UTP20: variants seen among roughly 807,000 people sequenced by gnomAD.
UTP20 encodes small subunit processome component 20 homolog.
A neutral mutation model predicts 329.5 loss-of-function variants in UTP20; 164 were observed. The ratio of observed to expected loss-of-function variants is 0.50; its 90% CI spans 0.44 to 0.57. UTP20 has a LOEUF of 0.57. UTP20 is among the 20% of genes least tolerant of loss of function. The pLI is 0.00. For missense variants in UTP20, 3,055 were observed against 3,284.2 expected (o/e 0.93, Z 1.71); for synonymous variants, 1,151 against 1,159.3 (o/e 0.99, Z 0.14).
intron 5 of UTP20, among the ~76,000 whole-genome samples, chr12:101,286,985 G>T (rs947566153): frequency 1.3e-5 from 2 of 152,186 alleles, no homozygotes; most frequent in African/African-American, 4.8e-5. Context: ...CTCAGTATTT[G>T]TGAGTAAATG....
chr12:101,336,834 G>A (rs144477653), intron 29 of UTP20, among the ~76,000 whole-genome samples: 124 of 152,354 alleles, frequency 8.1e-4, no homozygotes, highest in African/African-American at 2.6e-3. Flanking sequence ...AGCCATTCAC[G>A]TTAGCATGTA....
intron 46 of UTP20, 85 bp from the exon 47 acceptor site, chr12:101,366,473 T>C (rs1870097367): frequency 4.6e-6 from 7 of 1,505,884 alleles, no homozygotes; most frequent in Non-Finnish European, 5.4e-6. Context: ...TGCTGGGCTC[T>C]CGTCACTTTA....
rs750109610 is a variant in UTP20, at chr12:101,371,108, G to A, written c.6738G>A (p.Arg2246=). The change falls in exon 51 of 62, where the codon CGG becomes CGA. Residue 2246 remains arginine, a synonymous_variant. Coordinates refer to ENST00000261637, the MANE Select transcript of UTP20 (RefSeq NM_014503.3). The part of the protein sequence containing the change: ...LLVPEIDEVM[R]KVSKLAVSAQ... ...TCCCAGAAATCGATGAGGTCATGCGGAAAGTATCCAAGTTGGCAGTCTCTG... is the reference window on the plus strand; with the variant it reads ...TCCCAGAAATCGATGAGGTCATGCGAAAAGTATCCAAGTTGGCAGTCTCTG... The A allele has an allele frequency of 2.5e-6, 4 of 1,614,030 alleles. No homozygotes were observed. The African/African-American group carries it at 5.3e-5, about 22-fold the overall frequency.
chr12:101,286,086 C>A (rs967675268), intron 4 of UTP20, among the ~76,000 whole-genome samples: 1 of 152,160 alleles, frequency 6.6e-6, no homozygotes. Context: ...AAGATAATCT[C>A]ATTTTTCTTT....
intron 25 of UTP20, 49 bp from the exon 26 acceptor site, chr12:101,327,032 A>C: frequency 6.5e-7 from 1 of 1,531,576 alleles, no homozygotes; most frequent in Non-Finnish European, 8.8e-7. Context: ...AAAACAACTC[A>C]TATTTTAGAA....
At chr12:101,373,969 C>G (rs1870385677) in intron 54 of UTP20, among the ~76,000 whole-genome samples, 1 of 152,196 alleles carries the variant, frequency 6.6e-6, no homozygotes, top group Admixed American at 6.5e-5. Context: ...GGCGCGGTGG[C>G]TCACGCCTGT....
chr12:101,368,423 G>A (rs148866000), intron 48 of UTP20, among the ~76,000 whole-genome samples: 123 of 152,164 alleles, frequency 8.1e-4, no homozygotes, highest in African/African-American at 2.8e-3. Flanking sequence ...ATGAGCCACC[G>A]TGCCCGGCCG....
At chr12:101,282,121 T>TAAA (rs1871820741) in intron 2 of UTP20, among the ~76,000 whole-genome samples, 1 of 152,226 alleles carries the variant, frequency 6.6e-6, no homozygotes, top group Non-Finnish European at 1.5e-5. Flanking sequence ...GTAATATTCT[T>TAAA]CTTTACTATA....
At chr12:101,380,080 A>C (rs1008112964) in intron 57 of UTP20, among the ~76,000 whole-genome samples, 3 of 152,192 alleles carry the variant, frequency 2.0e-5, no homozygotes, top group Admixed American at 1.3e-4. Context: ...CACGTTCATG[A>C]AAATGTCAGG....
chr12:101,299,579 C>G, intron 12 of UTP20, 103 bp from the exon 13 acceptor site: 11 of 1,157,776 alleles, frequency 9.5e-6, no homozygotes, highest in Non-Finnish European at 1.3e-5. Flanking sequence ...AATTCCTTCC[C>G]TCTAATGCTC....
rs565227497 is a variant in UTP20, at chr12:101,361,508, C to A, written c.5692-454C>A. Among the ~76,000 whole-genome samples, 3 of 152,140 alleles carry A rather than the reference C, an allele frequency of 2.0e-5. No individual in the cohort carries two copies. The East Asian group carries it at 5.8e-4, about 29-fold the overall frequency. ...AGTCACGATGCCGGGTGACTGTAATCCTAGCTACTCGGGAGGCTGAGACAG... is the reference window on the plus strand; with the variant it reads ...AGTCACGATGCCGGGTGACTGTAATACTAGCTACTCGGGAGGCTGAGACAG... On this transcript the variant is annotated intron_variant, in intron 43 of 61. Transcript: ENST00000261637.
chr12:101,321,670 A>C (rs776858742), intron 25 of UTP20, 41 bp downstream of exon 25: 1 of 1,598,510 alleles, frequency 6.3e-7, no homozygotes, highest in Non-Finnish European at 8.5e-7. Flanking sequence ...AAAAGTTAAT[A>C]ACAAACACAA....
At chr12:101,356,875 T>G in intron 42 of UTP20, 51 bp from the exon 43 acceptor site, 1 of 1,564,800 alleles carries the variant, frequency 6.4e-7, no homozygotes, top group Non-Finnish European at 8.7e-7. Flanking sequence ...TGTGTATGTT[T>G]AATTGCTTCT....
intron 21 of UTP20, among the ~76,000 whole-genome samples, chr12:101,314,256 T>C (rs1425543812): frequency 6.6e-6 from 1 of 152,050 alleles, no homozygotes; most frequent in Non-Finnish European, 1.5e-5. Context: ...GTCCATCAGG[T>C]GAGGAATAAA....
intron 27 of UTP20, among the ~76,000 whole-genome samples, chr12:101,331,477 T>C (rs1868757867): frequency 6.6e-6 from 1 of 152,232 alleles, no homozygotes; most frequent in Admixed American, 6.5e-5. Flanking sequence ...TTGTGCTTGC[T>C]TACCTGTCAT....
intron 15 of UTP20, among the ~76,000 whole-genome samples, chr12:101,304,390 G>T (rs1039661054): frequency 6.6e-6 from 1 of 152,308 alleles, no homozygotes; most frequent in South Asian, 2.1e-4. Context: ...GTTATACAAT[G>T]CATGCAATAA....
chr12:101,349,689 C>T (rs1040119617), intron 38 of UTP20, among the ~76,000 whole-genome samples: 2 of 152,172 alleles, frequency 1.3e-5, no homozygotes, highest in African/African-American at 4.8e-5. Context: ...GATCCACCCA[C>T]CATGGCCTCC....
intron 56 of UTP20, among the ~76,000 whole-genome samples, chr12:101,377,443 G>A (rs542550012): frequency 1.3e-5 from 2 of 151,978 alleles, no homozygotes; most frequent in African/African-American, 4.8e-5. Context: ...TGATTCTTCT[G>A]CCTCAGCCTC....
At chr12:101,283,444 G>A (rs1243378684) in intron 2 of UTP20, among the ~76,000 whole-genome samples, 3 of 152,218 alleles carry the variant, frequency 2.0e-5, no homozygotes, top group East Asian at 3.9e-4. Context: ...CACTTTCATC[G>A]CATGTTATTA....
Sources: gnomAD v4.1 joint callset for allele counts (sites outside exome capture counted in the v4.1 genomes callset) on GRCh38, gnomAD v4.1.1 for gene constraint, MANE v1.5 for transcripts, NCBI Gene and HGNC (gene_info 2026-07-23, HGNC 2026-07-21) for gene names.